ME3: variants seen among roughly 807,000 people sequenced by gnomAD.
ME3 encodes the protein NADP-dependent malic enzyme, mitochondrial.
In ME3, 48 loss-of-function variants were observed where a neutral mutation model predicts 68.9. The observed-to-expected ratio is 0.70, with a 90% CI of 0.55 to 0.89. ME3 has a LOEUF of 0.89. Among genes scored for constraint, ME3 ranks in the 40% least tolerant of loss-of-function variants. The pLI is 0.00. For synonymous variants in ME3, 320 were observed against 318.8 expected (o/e 1.00, Z -0.04); for missense variants, 675 against 797.4 (o/e 0.85, Z 1.85).
In ME3 at chr11:86,594,088, AAC is replaced by A. The variant is rs1959178228; in HGVS notation, c.184-34267_184-34266del. ...CAGTAATAAGGAAACAAAGTAAAAA[AAC>A]AGACAAGATATCCCTGCCTTCATGA... On this transcript the variant is annotated intron_variant, in intron 2 of 14. Coordinates refer to ENST00000543262, the Ensembl canonical transcript of ME3. Among the ~76,000 whole-genome samples, 2 of 146,642 alleles carry A rather than the reference AAC, an allele frequency of 1.4e-5. 1 individual carries two copies. The highest frequency in any genetic ancestry group is 5.0e-5 in the African/African-American group (2 of 39,862).
chr11:86,619,503 G>C (rs995354725), intron 2 of ME3, among the ~76,000 whole-genome samples: 2 of 152,196 alleles, frequency 1.3e-5, no homozygotes, highest in Admixed American at 6.5e-5. Context: ...GTTGTGGGAG[G>C]CACCTGGTGG....
chr11:86,481,149 C>T (rs975158831), intron 7 of ME3, among the ~76,000 whole-genome samples: 1 of 151,642 alleles, frequency 6.6e-6, no homozygotes, highest in Non-Finnish European at 1.5e-5. Flanking sequence ...TTAAGTGATC[C>T]TCTTGCTTCA....
intron 2 of ME3, among the ~76,000 whole-genome samples, chr11:86,639,733 G>A (rs1263373486): frequency 2.6e-5 from 4 of 152,150 alleles, no homozygotes; most frequent in Admixed American, 6.5e-5. Flanking sequence ...TAAAAATGAA[G>A]CCCCACATTA....
intron 2 of ME3, among the ~76,000 whole-genome samples, chr11:86,620,788 C>CT: frequency 6.6e-6 from 1 of 152,270 alleles, no homozygotes; most frequent in East Asian, 1.9e-4. Flanking sequence ...TATCATACAT[C>CT]TTTTTTTGAT....
chr11:86,442,998 A>C, intron 13 of ME3, 79 bp from the exon 14 acceptor site: 1 of 1,098,170 alleles, frequency 9.1e-7, no homozygotes, highest in African/African-American at 1.5e-5. Context: ...TACCCCAGAG[A>C]CTCACCCCAC....
At chr11:86,451,296 G>A (rs1307866081) in intron 8 of ME3, among the ~76,000 whole-genome samples, 2 of 152,220 alleles carry the variant, frequency 1.3e-5, no homozygotes, top group African/African-American at 4.8e-5. Context: ...AAAGGTAGGT[G>A]GATGGACCTC....
At chr11:86,570,613 G>A (rs1270425016) in intron 2 of ME3, among the ~76,000 whole-genome samples, 2 of 152,166 alleles carry the variant, frequency 1.3e-5, no homozygotes, top group Non-Finnish European at 2.9e-5. Context: ...GTGATCAGGT[G>A]CAACATTACA....
intron 7 of ME3, among the ~76,000 whole-genome samples, chr11:86,476,596 C>G (rs1256190546): frequency 6.6e-6 from 1 of 152,138 alleles, no homozygotes; most frequent in Non-Finnish European, 1.5e-5. Flanking sequence ...AAGTAACACT[C>G]AGCTTCAAAC....
chr11:86,520,912 T>A (rs1175922826), intron 4 of ME3, among the ~76,000 whole-genome samples: 1 of 152,190 alleles, frequency 6.6e-6, no homozygotes, highest in Admixed American at 6.5e-5. Flanking sequence ...GTCGGTAAGA[T>A]GAAGAAGGTA....
chr11:86,646,317 G>A (rs1945011832), intron 2 of ME3, among the ~76,000 whole-genome samples: 1 of 152,196 alleles, frequency 6.6e-6, no homozygotes, highest in Non-Finnish European at 1.5e-5. Flanking sequence ...AAGGTTACAG[G>A]AACTGCTAAC....
intron 4 of ME3, among the ~76,000 whole-genome samples, chr11:86,537,169 G>A (rs1485717506): frequency 6.7e-6 from 1 of 150,230 alleles, no homozygotes; most frequent in Admixed American, 6.6e-5. Flanking sequence ...ATAGCATTGG[G>A]AGATACACCT....
At chr11:86,662,534 C>T (rs1280971258) in intron 2 of ME3, among the ~76,000 whole-genome samples, 1 of 152,036 alleles carries the variant, frequency 6.6e-6, no homozygotes, top group Non-Finnish European at 1.5e-5. Context: ...GAGTTCAAGG[C>T]TGCAGTGAAC....
At chr11:86,474,105 T>A (rs1356699095) in intron 7 of ME3, among the ~76,000 whole-genome samples, 1 of 152,088 alleles carries the variant, frequency 6.6e-6, no homozygotes, top group Non-Finnish European at 1.5e-5. Flanking sequence ...GATGTGAGGG[T>A]GGACCTCTGA....
intron 2 of ME3, among the ~76,000 whole-genome samples, chr11:86,604,045 T>C (rs1003005815): frequency 3.3e-5 from 5 of 151,108 alleles, no homozygotes; most frequent in African/African-American, 9.8e-5. Flanking sequence ...TGTATACATA[T>C]GTAAGTAACT....
rs907834417 is a variant in ME3 at position 86,664,117 on chromosome 11, A to G, written c.183+7645T>C. 9.7e-4 allele frequency among the ~76,000 whole-genome samples: 147 copies of G among 152,306 alleles called. 1 individual carries two copies. The highest frequency in any genetic ancestry group is 3.1e-3 in the African/African-American group (129 of 41,572). Reference sequence around the variant, plus strand: ...ATGTTACAGATGGGCCAGCTTCCCAAAGTTGGTCTGAGTATTATTTACTTG... The same window carrying G: ...ATGTTACAGATGGGCCAGCTTCCCAGAGTTGGTCTGAGTATTATTTACTTG... On this transcript the variant is annotated intron_variant, in intron 2 of 14. Transcript: ENST00000543262.
chr11:86,464,583 C>A (rs368756412), intron 8 of ME3, among the ~76,000 whole-genome samples: 6 of 152,184 alleles, frequency 3.9e-5, no homozygotes, highest in South Asian at 4.1e-4. Context: ...GACAGAGACA[C>A]GCCTTGTATT....
intron 2 of ME3, among the ~76,000 whole-genome samples, chr11:86,619,833 G>C (rs1943232371): frequency 6.6e-6 from 1 of 152,172 alleles, no homozygotes; most frequent in Admixed American, 6.5e-5. Flanking sequence ...GGAAGGGCTT[G>C]GATTAAATAT....
intron 2 of ME3, among the ~76,000 whole-genome samples, chr11:86,636,837 C>T (rs1944361557): frequency 2.0e-5 from 3 of 152,056 alleles, no homozygotes; most frequent in African/African-American, 7.2e-5. Flanking sequence ...GAAGGTGTTC[C>T]TAAGAAGGTT....
intron 4 of ME3, among the ~76,000 whole-genome samples, chr11:86,542,279 G>GGGAACAAAACTGCT (rs1956097745): frequency 6.6e-6 from 1 of 152,166 alleles, no homozygotes; most frequent in African/African-American, 2.4e-5. Context: ...TTGCCAGCAA[G>GGGAACAAAACTGCT]GGAACAAAAC....
Sources: gnomAD v4.1 joint callset for allele counts (sites outside exome capture counted in the v4.1 genomes callset) on GRCh38, gnomAD v4.1.1 for gene constraint, MANE v1.5 for transcripts, NCBI Gene and HGNC (gene_info 2026-07-23, HGNC 2026-07-21) for gene names.